Variants in TNR observed in about 807,000 individuals in gnomAD.
The protein encoded by TNR is tenascin-R.
In TNR, 45 loss-of-function variants were observed where a neutral mutation model predicts 150.4. The ratio of observed to expected loss-of-function variants is 0.30; its 90% CI spans 0.24 to 0.38. The LOEUF is 0.38. Ranked by LOEUF, TNR falls within the 10% of genes least tolerant of loss-of-function variation. TNR has a pLI of 1.00. For missense variants in TNR, 1,544 were observed against 1,759.1 expected (o/e 0.88, Z 2.19); for synonymous variants, 687 against 678.4 (o/e 1.01, Z -0.20).
chr1:175,415,977 G>A (rs1166162629), intron 2 of TNR, among the ~76,000 whole-genome samples: 1 of 152,144 alleles, frequency 6.6e-6, no homozygotes, highest in Non-Finnish European at 1.5e-5. Context: ...TAGAAAGTCT[G>A]TCTTGTAACT....
chr1:175,700,352 C>T (rs926717020), intron 1 of TNR, among the ~76,000 whole-genome samples: 3 of 152,284 alleles, frequency 2.0e-5, no homozygotes, highest in Middle Eastern at 3.4e-3. Context: ...CACCTTCTGA[C>T]GCATGCCACA....
At chr1:175,543,259 G>A (rs551377597) in intron 1 of TNR, among the ~76,000 whole-genome samples, 1 of 152,266 alleles carries the variant, frequency 6.6e-6, no homozygotes, top group South Asian at 2.1e-4. Context: ...CCTGTGGGGG[G>A]TCATTCAGGA....
intron 2 of TNR, among the ~76,000 whole-genome samples, chr1:175,412,843 T>C (rs1654271952): frequency 6.6e-6 from 1 of 152,230 alleles, no homozygotes; most frequent in Non-Finnish European, 1.5e-5. Flanking sequence ...CTAATGTTTA[T>C]TAAATGCCTG....
At chr1:175,382,874 C>G (rs12743679) in intron 8 of TNR, among the ~76,000 whole-genome samples, 1 of 149,508 alleles carries the variant, frequency 6.7e-6, no homozygotes, top group Non-Finnish European at 1.5e-5. Context: ...GCACTCCAGA[C>G]TGGGTGACAG....
At chr1:175,692,282 G>A (rs1247486543) in intron 1 of TNR, among the ~76,000 whole-genome samples, 1 of 141,270 alleles carries the variant, frequency 7.1e-6, no homozygotes, top group Admixed American at 7.2e-5. Flanking sequence ...ACCTGGCTCT[G>A]CCCCTGGCAA....
intron 1 of TNR, among the ~76,000 whole-genome samples, chr1:175,700,940 C>T (rs762172907): frequency 3.3e-5 from 5 of 152,208 alleles, no homozygotes; most frequent in Non-Finnish European, 7.3e-5. Flanking sequence ...TTTCTCAGGC[C>T]TGCCATCCAA....
At chr1:175,476,972 T>A (rs1657572017) in intron 2 of TNR, among the ~76,000 whole-genome samples, 1 of 152,114 alleles carries the variant, frequency 6.6e-6, no homozygotes, top group Non-Finnish European at 1.5e-5. Context: ...TCTAACTATG[T>A]TTTAAGGAGA....
At chr1:175,419,355 G>C (rs1196561316) in intron 2 of TNR, among the ~76,000 whole-genome samples, 1 of 152,156 alleles carries the variant, frequency 6.6e-6, no homozygotes, top group Admixed American at 6.5e-5. Flanking sequence ...GACAGCGTAA[G>C]AATACAGATG....
At chr1:175,514,449 A>G (rs1659321820) in intron 2 of TNR, among the ~76,000 whole-genome samples, 1 of 152,162 alleles carries the variant, frequency 6.6e-6, no homozygotes, top group East Asian at 1.9e-4. Context: ...AAGATAATAC[A>G]TTTTTATTGT....
At chr1:175,497,041 C>T (rs955170752) in intron 2 of TNR, among the ~76,000 whole-genome samples, 1 of 152,224 alleles carries the variant, frequency 6.6e-6, no homozygotes, top group African/African-American at 2.4e-5. Flanking sequence ...CAAAGCTCAT[C>T]CTGAGGCTAA....
At chr1:175,324,914 A>T (rs1340384637) in intron 21 of TNR, among the ~76,000 whole-genome samples, 1 of 152,094 alleles carries the variant, frequency 6.6e-6, no homozygotes, top group Non-Finnish European at 1.5e-5. Flanking sequence ...GGGCACCACC[A>T]TGCAGCCTCA....
At chr1:175,640,723 A>G (rs1257115101) in intron 1 of TNR, among the ~76,000 whole-genome samples, 4 of 151,762 alleles carry the variant, frequency 2.6e-5, no homozygotes, top group African/African-American at 9.7e-5. Context: ...GCTAAGTATT[A>G]GTTGTTCACC....
chr1:175,439,818 T>A (rs999803177), intron 2 of TNR, among the ~76,000 whole-genome samples: 6 of 152,122 alleles, frequency 3.9e-5, no homozygotes, highest in Non-Finnish European at 8.8e-5. Flanking sequence ...ATCAAAACCA[T>A]AATGAGATAC....
At chr1:175,529,274 G>A (rs992365032) in intron 1 of TNR, among the ~76,000 whole-genome samples, 6 of 152,234 alleles carry the variant, frequency 3.9e-5, no homozygotes, top group African/African-American at 1.4e-4. Flanking sequence ...CAAAAATCAG[G>A]CGACATCTGA....
intron 1 of TNR, among the ~76,000 whole-genome samples, chr1:175,659,351 C>T (rs901078818): frequency 6.6e-6 from 1 of 152,188 alleles, no homozygotes; most frequent in Non-Finnish European, 1.5e-5. Context: ...AGGTCTCTGC[C>T]AAGGATGAAC....
chr1:175,477,142 G>A (rs1657579906), intron 2 of TNR, among the ~76,000 whole-genome samples: 3 of 152,122 alleles, frequency 2.0e-5, no homozygotes, highest in Admixed American at 2.0e-4. Flanking sequence ...TCCTGGGAAG[G>A]AAAGCACCAT....
chr1:175,696,710 T>C (rs982306174), intron 1 of TNR, among the ~76,000 whole-genome samples: 5 of 152,066 alleles, frequency 3.3e-5, no homozygotes, highest in African/African-American at 1.2e-4. Flanking sequence ...AGAAAACCCA[T>C]GTCTACTAAA....
intron 1 of TNR, chr1:175,556,833 C>T (rs1023838056): frequency 6.6e-6 from 1 of 152,492 alleles, no homozygotes; most frequent in African/African-American, 2.4e-5. Context: ...GGTACTCATC[C>T]CCTTATGTAG....
At chr1:175,464,385 G>A (rs1029387783) in intron 2 of TNR, among the ~76,000 whole-genome samples, 6 of 152,132 alleles carry the variant, frequency 3.9e-5, no homozygotes, top group African/African-American at 1.4e-4. Flanking sequence ...CATTAATAAA[G>A]ACAATAGATG....
Sources: allele counts gnomAD v4.1 joint callset (sites outside exome capture counted in the v4.1 genomes callset), GRCh38; gene constraint gnomAD v4.1.1; transcripts MANE v1.5; gene names NCBI Gene and HGNC (gene_info 2026-07-23, HGNC 2026-07-21).